Variants in LRBA observed in about 807,000 individuals in gnomAD.
LRBA encodes the protein LPS responsive beige-like anchor protein, also known as lipopolysaccharide-responsive and beige-like anchor protein.
In LRBA, 176 loss-of-function variants were observed where a neutral mutation model predicts 330.0. The observed-to-expected ratio is 0.53, with a 90% confidence interval of 0.47 to 0.60. The LOEUF (loss-of-function observed/expected upper bound fraction) is 0.60, where lower values mean the gene tolerates loss of function less well. LRBA is among the 20% of genes least tolerant of loss of function. The pLI is 0.00. For synonymous variants in LRBA, 1,230 were observed against 1,193.0 expected, an observed-to-expected ratio of 1.03 and a Z score of -0.64; for missense variants, 3,259 against 3,444.8, an observed-to-expected ratio of 0.95 and a Z score of 1.35.
intron 34 of LRBA, among the ~76,000 whole-genome samples, chr4:150,762,498 T>C (rs1182065400): frequency 6.6e-6 from 1 of 151,860 alleles, no homozygotes; most frequent in Non-Finnish European, 1.5e-5. Context: ...CAATAGAGTA[T>C]GTACAAATGA....
chr4:150,729,422 T>G (rs547597746), intron 36 of LRBA, among the ~76,000 whole-genome samples: 1 of 152,188 alleles, frequency 6.6e-6, no homozygotes, highest in African/African-American at 2.4e-5. Flanking sequence ...ATTAAATACC[T>G]AGAAATAAAT....
intron 35 of LRBA, among the ~76,000 whole-genome samples, chr4:150,744,947 T>C (rs1166342186): frequency 2.6e-5 from 4 of 152,214 alleles, no homozygotes; most frequent in Admixed American, 2.0e-4. Flanking sequence ...CCTAGCATAC[T>C]GCAGAGATTC....
chr4:150,913,893 G>A (rs1305043319), intron 9 of LRBA, among the ~76,000 whole-genome samples: 4 of 152,058 alleles, frequency 2.6e-5, no homozygotes, highest in Admixed American at 6.6e-5. Context: ...TACATTTTAG[G>A]TGTATATATT....
intron 52 of LRBA, 96 bp downstream of exon 52, chr4:150,310,133 G>C (rs1378041329): frequency 2.9e-5 from 24 of 818,756 alleles, no homozygotes; most frequent in Non-Finnish European, 4.5e-5. Flanking sequence ...TTAGGATTTT[G>C]TAATTTTTGG....
intron 37 of LRBA, among the ~76,000 whole-genome samples, chr4:150,627,390 AT>A (rs1581854127): frequency 6.6e-6 from 1 of 152,094 alleles, no homozygotes; most frequent in African/African-American, 2.4e-5. Flanking sequence ...ACTTAGTTCT[AT>A]TTTTATGGTA....
chr4:150,267,447 A>G (rs1241043828), intron 56 of LRBA, among the ~76,000 whole-genome samples: 1 of 152,170 alleles, frequency 6.6e-6, no homozygotes, highest in Non-Finnish European at 1.5e-5. Flanking sequence ...AAACAACAAC[A>G]TAAGAGACAT....
Position 150,691,052 on chromosome 4 carries a change from C to G in LRBA, c.5755-7335G>C, listed in dbSNP as rs1031146751. 8.6e-5 allele frequency among the ~76,000 whole-genome samples: 13 copies of G among 151,910 alleles called. No homozygotes were observed. In the East Asian group the frequency reaches 2.1e-3, roughly 25 times the overall value. On this transcript the variant is annotated intron_variant, in intron 36 of 56. Transcript: ENST00000651943. Reference sequence around the variant, plus strand: ...TCACGCCATTCTCCTGCCTCAGCCTCCCGAGTAGCTAGGACCACAGGCGCC... The same window carrying G: ...TCACGCCATTCTCCTGCCTCAGCCTGCCGAGTAGCTAGGACCACAGGCGCC...
At chr4:150,562,028 C>T (rs1047616250) in intron 40 of LRBA, among the ~76,000 whole-genome samples, 9 of 152,132 alleles carry the variant, frequency 5.9e-5, no homozygotes, top group African/African-American at 2.2e-4. Context: ...GCTGTGCTCT[C>T]TCTACCCTCA....
At chr4:150,748,810 G>C (rs1281652840) in intron 35 of LRBA, among the ~76,000 whole-genome samples, 10 of 152,134 alleles carry the variant, frequency 6.6e-5, no homozygotes, top group Admixed American at 5.2e-4. Context: ...ATTAGGTCAT[G>C]AGGGCTCCTT....
chr4:150,868,026 CTAACT>C (rs1374885401), intron 21 of LRBA, among the ~76,000 whole-genome samples, 151 bp downstream of exon 21: 3 of 151,924 alleles, frequency 2.0e-5, no homozygotes, highest in African/African-American at 7.3e-5. Flanking sequence ...ACTAAAAATT[CTAACT>C]TAACTATGTG....
chr4:150,427,292 T>C (rs1749767358), intron 46 of LRBA, among the ~76,000 whole-genome samples: 1 of 152,028 alleles, frequency 6.6e-6, no homozygotes, highest in Non-Finnish European at 1.5e-5. Context: ...AATTTTCCTG[T>C]ATAGTATGTA....
At chr4:150,815,481 G>C (rs189089678) in intron 31 of LRBA, among the ~76,000 whole-genome samples, 13 of 151,610 alleles carry the variant, frequency 8.6e-5, no homozygotes, top group Non-Finnish European at 1.8e-4. Context: ...AGAATGACAG[G>C]GTATTTGAGA....
At chr4:151,012,593 A>T (rs1744975692) in intron 2 of LRBA, among the ~76,000 whole-genome samples, 1 of 152,182 alleles carries the variant, frequency 6.6e-6, no homozygotes, top group South Asian at 2.1e-4. Context: ...CACACACAAG[A>T]TCCCCAAAAT....
Position 150,861,981 on chromosome 4 carries a change from C to CAA in LRBA, c.2766+5688_2766+5689dup, listed in dbSNP as rs199556164. On this transcript the variant is annotated intron_variant, in intron 22 of 56. Coordinates refer to ENST00000651943, the MANE Select transcript of LRBA (RefSeq NM_001364905.1). ...GGGCAACAGAGCAAGACTCTGACTC[C>CAA]AAAAAAAAAAAAAAGTTAGAATGGT... Among the ~76,000 whole-genome samples the CAA allele has an allele frequency of 3.9e-4, 43 of 111,498 alleles. No homozygotes were observed. In the South Asian group the frequency reaches 4.2e-3, roughly 11 times the overall value. 73.1% of individuals were successfully genotyped at this position (111,498 alleles called of 152,430 possible).
At chr4:150,609,963 G>A (rs1775057798) in intron 37 of LRBA, among the ~76,000 whole-genome samples, 1 of 152,092 alleles carries the variant, frequency 6.6e-6, no homozygotes, top group Admixed American at 6.5e-5. Flanking sequence ...TTTCTTTGTG[G>A]CAAAATCCAA....
intron 44 of LRBA, among the ~76,000 whole-genome samples, chr4:150,465,536 T>C (rs1395158539): frequency 6.6e-6 from 1 of 152,170 alleles, no homozygotes; most frequent in Non-Finnish European, 1.5e-5. Context: ...TCTGGGTTTG[T>C]TTTCATTAAC....
At chr4:150,559,894 ATTATATATAATTATATATAAT>A (rs1561352619) in intron 40 of LRBA, among the ~76,000 whole-genome samples, 4 of 48,258 alleles carry the variant, frequency 8.3e-5, no homozygotes, top group African/African-American at 3.3e-4. Flanking sequence ...ATTATATATA[ATTATATATAATTATATATAAT>A]ATATAAATAT....
intron 44 of LRBA, among the ~76,000 whole-genome samples, chr4:150,458,685 T>C (rs575964895): frequency 1.3e-5 from 2 of 152,106 alleles, no homozygotes; most frequent in Non-Finnish European, 2.9e-5. Flanking sequence ...TTAATTTTTA[T>C]ACTGCTCTTT....
intron 2 of LRBA, 33 bp downstream of exon 2, chr4:151,014,394 G>T (rs1474114579): frequency 6.5e-7 from 1 of 1,546,572 alleles, no homozygotes; most frequent in Admixed American, 1.7e-5. Flanking sequence ...CCACTGAAAA[G>T]AGTATATGCT....
Sources: gnomAD v4.1 joint callset for allele counts (sites outside exome capture counted in the v4.1 genomes callset) on GRCh38, gnomAD v4.1.1 for gene constraint, MANE v1.5 for transcripts, NCBI Gene and HGNC (gene_info 2026-07-23, HGNC 2026-07-21) for gene names.